The following ADGRL3 variants were observed in gnomAD, a reference collection of about 807,000 sequenced individuals.
ADGRL3 encodes adhesion G protein-coupled receptor L3.
Under a neutral mutation model 153.5 loss-of-function variants are expected in ADGRL3, and 62 were observed. The observed-to-expected ratio is 0.40, with a 90% CI of 0.33 to 0.50. The LOEUF is 0.50. Ranked by LOEUF, ADGRL3 falls within the 20% of genes least tolerant of loss-of-function variation. ADGRL3 has a pLI of 0.47. For missense variants in ADGRL3, 1,641 were observed against 1,859.4 expected (o/e 0.88, Z 2.16); for synonymous variants, 710 against 672.5 (o/e 1.06, Z -0.86).
At chr4:61,851,844 A>T (rs2098207815) in intron 9 of ADGRL3, among the ~76,000 whole-genome samples, 1 of 152,184 alleles carries the variant, frequency 6.6e-6, no homozygotes, top group Admixed American at 6.6e-5. Context: ...CAATGTGTTG[A>T]CTTTTAAAAA....
chr4:61,870,009 A>G (rs1203016043), intron 9 of ADGRL3, among the ~76,000 whole-genome samples: 2 of 143,784 alleles, frequency 1.4e-5, no homozygotes, highest in Admixed American at 7.0e-5. Context: ...AGAGAGAGAG[A>G]GAAAGGAAAG....
intron 6 of ADGRL3, among the ~76,000 whole-genome samples, chr4:61,683,355 G>A (rs904670796): frequency 6.6e-6 from 1 of 152,098 alleles, no homozygotes; most frequent in African/African-American, 2.4e-5. Context: ...CTAGGTTCAA[G>A]TTCTTGTCTC....
intron 5 of ADGRL3, among the ~76,000 whole-genome samples, chr4:61,595,812 C>A (rs1579748673): frequency 6.6e-6 from 1 of 152,136 alleles, no homozygotes; most frequent in East Asian, 1.9e-4. Flanking sequence ...GTGAGGCTTG[C>A]ATGAAACCCA....
At chr4:61,393,886 A>G (rs1000430176) in intron 2 of ADGRL3, among the ~76,000 whole-genome samples, 1 of 152,104 alleles carries the variant, frequency 6.6e-6, no homozygotes, top group Non-Finnish European at 1.5e-5. Context: ...TGTGTTGTGG[A>G]GTAATAATGT....
chr4:61,431,023 T>C (rs2097349892), intron 2 of ADGRL3, among the ~76,000 whole-genome samples: 1 of 152,324 alleles, frequency 6.6e-6, no homozygotes, highest in South Asian at 2.1e-4. Context: ...TTTCCTTCCA[T>C]AGGTCTTGAC....
chr4:61,607,290 C>G (rs771416775), intron 5 of ADGRL3, among the ~76,000 whole-genome samples: 15 of 151,930 alleles, frequency 9.9e-5, no homozygotes, highest in Non-Finnish European at 1.9e-4. Flanking sequence ...ATGAAAAAGT[C>G]TGAAAAAAGT....
chr4:61,420,982 CT>C (rs962519094), intron 2 of ADGRL3, among the ~76,000 whole-genome samples: 8 of 152,130 alleles, frequency 5.3e-5, no homozygotes, highest in African/African-American at 1.9e-4. Context: ...ACTGTCTAAC[CT>C]GGGGTAAAAT....
chr4:61,599,886 T>G (rs2099003994), intron 5 of ADGRL3, among the ~76,000 whole-genome samples: 1 of 152,202 alleles, frequency 6.6e-6, no homozygotes, highest in East Asian at 1.9e-4. Context: ...AGTTTAATTT[T>G]ATAAATAAAT....
At chr4:61,570,696 T>G (rs2149124049) in intron 4 of ADGRL3, among the ~76,000 whole-genome samples, 1 of 152,286 alleles carries the variant, frequency 6.6e-6, no homozygotes, top group African/African-American at 2.4e-5. Flanking sequence ...TAGAGGGAAT[T>G]TTTTTTCCAT....
rs1672281946 is a variant in ADGRL3, at chr4:61,927,063, G to A, written c.2113-7777G>A. ...CTATGTTTCCATCATTATAATGCTT[G>A]CCATGTTGGATTTTAATTACTTGTT... On this transcript the variant is annotated intron_variant, in intron 13 of 26. Transcript: ENST00000683033. Among the ~76,000 whole-genome samples, 3 of 152,114 alleles carry A rather than the reference G, an allele frequency of 2.0e-5. No individual in the cohort carries two copies. The South Asian group carries it at 6.2e-4, about 31-fold the overall frequency.
intron 1 of ADGRL3, among the ~76,000 whole-genome samples, chr4:61,332,100 G>A (rs948533444): frequency 8.5e-5 from 13 of 152,070 alleles, no homozygotes; most frequent in Admixed American, 6.6e-5. Context: ...AAGGAAACTA[G>A]GAACAGGAAT....
chr4:61,584,082 C>T (rs1342145693), intron 4 of ADGRL3, among the ~76,000 whole-genome samples: 1 of 150,822 alleles, frequency 6.6e-6, no homozygotes, highest in Non-Finnish European at 1.5e-5. Flanking sequence ...TAACAAAAAC[C>T]TTTTTTTTTC....
At chr4:61,437,291 A>AT (rs397787368) in intron 2 of ADGRL3, among the ~76,000 whole-genome samples, 3 of 151,708 alleles carry the variant, frequency 2.0e-5, no homozygotes, top group African/African-American at 7.3e-5. Context: ...GTTAAAAAAA[A>AT]TTTAGGCTAC....
intron 4 of ADGRL3, among the ~76,000 whole-genome samples, chr4:61,547,376 A>T (rs945674659): frequency 4.0e-5 from 6 of 151,850 alleles, no homozygotes; most frequent in Admixed American, 3.9e-4. Flanking sequence ...ACCGGGTAAT[A>T]AGCATAGTAC....
chr4:61,391,081 A>G (rs1353809476), intron 2 of ADGRL3, among the ~76,000 whole-genome samples: 5 of 152,342 alleles, frequency 3.3e-5, no homozygotes, highest in African/African-American at 1.2e-4. Context: ...TAATGATAAT[A>G]AAGATTGTGT....
chr4:61,512,293 C>T (rs572930204), intron 3 of ADGRL3, among the ~76,000 whole-genome samples: 1 of 152,178 alleles, frequency 6.6e-6, no homozygotes, highest in Admixed American at 6.5e-5. Flanking sequence ...TCCAATGAGT[C>T]ATAGGTAGTA....
intron 2 of ADGRL3, among the ~76,000 whole-genome samples, chr4:61,384,072 C>A (rs2096706471): frequency 6.6e-6 from 1 of 151,874 alleles, no homozygotes; most frequent in East Asian, 1.9e-4. Context: ...TAATTGCTAT[C>A]ATCTATTTTC....
intron 9 of ADGRL3, among the ~76,000 whole-genome samples, chr4:61,850,901 T>C (rs1275393682): frequency 2.0e-5 from 3 of 152,188 alleles, no homozygotes; most frequent in Non-Finnish European, 4.4e-5. Flanking sequence ...ACTTTTACAA[T>C]AATACTGCTG....
intron 2 of ADGRL3, among the ~76,000 whole-genome samples, chr4:61,400,817 C>A (rs1377842500): frequency 2.5e-3 from 286 of 114,294 alleles, no homozygotes; most frequent in African/African-American, 5.4e-3. Flanking sequence ...GCTAAAGTTA[C>A]AAAAAAAAAA....
Sources: gnomAD v4.1 joint callset for allele counts (sites outside exome capture counted in the v4.1 genomes callset) on GRCh38, gnomAD v4.1.1 for gene constraint, MANE v1.5 for transcripts, NCBI Gene and HGNC (gene_info 2026-07-23, HGNC 2026-07-21) for gene names.